KIAA0825: variants seen among roughly 807,000 people sequenced by gnomAD.
KIAA0825 encodes KIAA0825, also known as uncharacterized protein KIAA0825.
KIAA0825 carries 119 observed loss-of-function variants against 147.6 expected under a neutral mutation model. The ratio of observed to expected loss-of-function variants is 0.81; its 90% CI spans 0.69 to 0.94. The LOEUF is 0.94. KIAA0825 is among the 40% of genes least tolerant of loss of function. The pLI, the probability that KIAA0825 is intolerant of heterozygous loss-of-function variation, is 0.00. For missense variants in KIAA0825, 1,381 were observed against 1,472.7 expected, an observed-to-expected ratio of 0.94 and a Z score of 1.02; for synonymous variants, 470 against 518.1, an observed-to-expected ratio of 0.91 and a Z score of 1.26.
intron 20 of KIAA0825, among the ~76,000 whole-genome samples, chr5:94,211,050 C>G (rs894683593): frequency 1.3e-5 from 2 of 152,136 alleles, no homozygotes; most frequent in African/African-American, 4.8e-5. Flanking sequence ...ATACTATCAA[C>G]AAAGATCAAA....
rs1171307425 is a variant in KIAA0825, at chr5:94,608,464, TTATATATATAA to T, written c.-153+10025_-153+10035del. The stretch of plus-strand genomic sequence containing the variant: ...GTATGTGTGTGTGTATATATATATA[TTATATATATAA>T]TATATATATATATATAATTATATAT... On this transcript the variant is annotated intron_variant, in intron 1 of 20. Coordinates refer to ENST00000682413, the MANE Select transcript of KIAA0825 (RefSeq NM_001145678.3). Among the ~76,000 whole-genome samples the T allele has an allele frequency of 1.6e-4, 3 of 18,330 alleles. 1 individual carries two copies. The highest frequency in any genetic ancestry group is 2.9e-4 in the Non-Finnish European group (3 of 10,412). 12.0% of individuals were successfully genotyped at this position (18,330 alleles called of 152,430 possible). A position where few individuals can be genotyped will look rare whatever the true frequency, so the allele number is the denominator to read the frequency against.
chr5:94,273,986 A>G (rs1777104132), intron 20 of KIAA0825, among the ~76,000 whole-genome samples: 1 of 152,176 alleles, frequency 6.6e-6, no homozygotes, highest in Non-Finnish European at 1.5e-5. Context: ...TATAATTGGT[A>G]CAGAATAGAA....
chr5:94,543,947 T>A (rs893570266), intron 2 of KIAA0825, among the ~76,000 whole-genome samples: 7 of 152,206 alleles, frequency 4.6e-5, no homozygotes. Flanking sequence ...TAGCATATCA[T>A]CAAGAAATAA....
intron 20 of KIAA0825, among the ~76,000 whole-genome samples, chr5:94,298,099 T>C (rs1287354178): frequency 6.6e-6 from 1 of 151,376 alleles, no homozygotes; most frequent in Non-Finnish European, 1.5e-5. Context: ...ACAAAAAAGT[T>C]AGCCAGGTGT....
intron 20 of KIAA0825, among the ~76,000 whole-genome samples, chr5:94,205,657 A>T (rs1772128527): frequency 6.6e-6 from 1 of 152,108 alleles, no homozygotes; most frequent in Admixed American, 6.5e-5. Context: ...ATTATCATGG[A>T]TGCCATAATC....
intron 13 of KIAA0825, among the ~76,000 whole-genome samples, chr5:94,447,722 C>A (rs950742569): frequency 9.9e-5 from 15 of 151,730 alleles, no homozygotes; most frequent in African/African-American, 3.4e-4. Flanking sequence ...TATAATGAAA[C>A]CAAAGATAGC....
At chr5:94,511,510 CTAGGG>C (rs1766470763) in intron 5 of KIAA0825, among the ~76,000 whole-genome samples, 1 of 152,234 alleles carries the variant, frequency 6.6e-6, no homozygotes, top group East Asian at 1.9e-4. Context: ...ATCCCAGTTA[CTAGGG>C]AGGCTGAGGC....
intron 1 of KIAA0825, among the ~76,000 whole-genome samples, chr5:94,602,831 CTTT>C (rs200612253): frequency 3.5e-5 from 5 of 141,254 alleles, no homozygotes; most frequent in Admixed American, 7.1e-5. Context: ...TCGGGTATGC[CTTT>C]TTTTTTTTTT....
At chr5:94,226,654 G>A (rs554432059) in intron 20 of KIAA0825, among the ~76,000 whole-genome samples, 21 of 151,798 alleles carry the variant, frequency 1.4e-4, no homozygotes, top group Non-Finnish European at 2.1e-4. Context: ...AAGAAAATAC[G>A]GAACATAATA....
At chr5:94,334,037 T>G (rs536172969) in intron 20 of KIAA0825, among the ~76,000 whole-genome samples, 222 of 151,836 alleles carry the variant, frequency 1.5e-3, no homozygotes, top group African/African-American at 5.1e-3. Context: ...CAAAGTAATT[T>G]ATACATTCAA....
intron 5 of KIAA0825, among the ~76,000 whole-genome samples, chr5:94,489,278 C>T (rs1200342739): frequency 6.6e-6 from 1 of 152,140 alleles, no homozygotes; most frequent in African/African-American, 2.4e-5. Flanking sequence ...TTGGCTCTCA[C>T]AGGGCAGTAT....
At chr5:94,405,980 TC>T (rs1463606108) in intron 15 of KIAA0825, among the ~76,000 whole-genome samples, 1 of 152,026 alleles carries the variant, frequency 6.6e-6, no homozygotes, top group Non-Finnish European at 1.5e-5. Flanking sequence ...AGGCTGGAGT[TC>T]AGTGGCATGA....
chr5:94,475,020 C>T (rs1369721283), intron 7 of KIAA0825, among the ~76,000 whole-genome samples: 5 of 151,074 alleles, frequency 3.3e-5, no homozygotes, highest in Admixed American at 6.6e-5. Context: ...ACCTGGGAGG[C>T]GGAGGTTGCA....
chr5:94,263,711 C>T (rs1364563626), intron 20 of KIAA0825, among the ~76,000 whole-genome samples: 2 of 152,002 alleles, frequency 1.3e-5, no homozygotes, highest in Non-Finnish European at 2.9e-5. Flanking sequence ...AATTCTTCCA[C>T]CAAATGTTTC....
chr5:94,608,473 TAA>T (rs1491194949), intron 1 of KIAA0825, among the ~76,000 whole-genome samples: 2 of 19,444 alleles, frequency 1.0e-4, no homozygotes, highest in African/African-American at 2.5e-4. Context: ...ATTATATATA[TAA>T]TATATATATA....
intron 20 of KIAA0825, among the ~76,000 whole-genome samples, chr5:94,339,309 C>T (rs1782121458): frequency 6.6e-6 from 1 of 152,068 alleles, no homozygotes; most frequent in African/African-American, 2.4e-5. Flanking sequence ...ATATTTTCTT[C>T]CCAGATGAGT....
At chr5:94,583,928 TGCAGCTGA>T (rs1261527743) in intron 1 of KIAA0825, among the ~76,000 whole-genome samples, 3 of 152,086 alleles carry the variant, frequency 2.0e-5, no homozygotes, top group Non-Finnish European at 4.4e-5. Context: ...CCAACAGACC[TGCAGCTGA>T]GCAGCTGAGG....
At chr5:94,572,752 C>T (rs1023072623) in intron 2 of KIAA0825, among the ~76,000 whole-genome samples, 1 of 152,084 alleles carries the variant, frequency 6.6e-6, no homozygotes. Context: ...ATTAGCAGTG[C>T]TTATCTGTGG....
chr5:94,411,703 C>T (rs890743535), intron 15 of KIAA0825, among the ~76,000 whole-genome samples: 1 of 151,990 alleles, frequency 6.6e-6, no homozygotes, highest in Admixed American at 6.5e-5. Flanking sequence ...AATCCCAGCA[C>T]TTTGGGAGGC....
Sources: allele counts gnomAD v4.1 joint callset (sites outside exome capture counted in the v4.1 genomes callset), GRCh38; gene constraint gnomAD v4.1.1; transcripts MANE v1.5; gene names NCBI Gene and HGNC (gene_info 2026-07-23, HGNC 2026-07-21).